NMI: variants seen among roughly 807,000 people sequenced by gnomAD.
NMI encodes N-myc-interactor.
NMI carries 39 observed loss-of-function variants against 34.3 expected under a neutral mutation model. The observed-to-expected ratio is 1.14, with a 90% CI of 0.88 to 1.49. The LOEUF is 1.49. Ranked by LOEUF, NMI falls within the 40% of genes most tolerant of loss-of-function variation. The pLI, the probability that NMI is intolerant of heterozygous loss-of-function variation, is 0.00. For synonymous variants in NMI, 113 were observed against 120.3 expected (o/e 0.94, Z 0.40); for missense variants, 339 against 358.1 (o/e 0.95, Z 0.43).
chr2:151,278,983 T>C lies in NMI; in HGVS notation c.185A>G (p.Glu62Gly). 6.3e-7 allele frequency: 1 copy of C among 1,588,518 alleles called. No individual in the cohort carries two copies. Among genetic ancestry groups the C allele is most frequent in the South Asian group, 1.1e-5 (1 of 89,212 alleles). Residue 62 changes from glutamate to glycine, a missense_variant, in exon 4 of 8, where the codon GAG (glutamate) becomes GGG (glycine). Physicochemically the swap from Glu to Gly is moderately conservative, Grantham distance 98. Coordinates refer to ENST00000243346, the MANE Select transcript of NMI (RefSeq NM_004688.3). ...TTTCATCTTTGTTTCAGGAATATCCTCTTTAATCTAATCCAAATGAAAATG... is the reference window on the plus strand; with the variant it reads ...TTTCATCTTTGTTTCAGGAATATCCCCTTTAATCTAATCCAAATGAAAATG... ...QEATKEFQIK[E>G]DIPETKMKFL...
intron 4 of NMI, chr2:151,277,992 T>C (rs1319313078): frequency 2.6e-5 from 4 of 152,204 alleles, no homozygotes; most frequent in Admixed American, 2.6e-4. Context: ...GCAAGTTAAT[T>C]ATCTTCTTTA....
Position 151,275,859 on chromosome 2 carries a change from G to C in NMI, c.346C>G (p.Gln116Glu), listed in dbSNP as rs1266301091. The C allele has an allele frequency of 6.4e-7, 1 of 1,570,748 alleles. No homozygotes were observed. The change falls in exon 5 of 8, where the codon CAA (glutamine) becomes GAA (glutamate). Residue 116 changes from glutamine (Q) to glutamate (E), a missense_variant. Coordinates refer to ENST00000243346, the MANE Select transcript of NMI (RefSeq NM_004688.3). ...TGTTTACTCATGCTTACCACATTTT[G>C]AGCAACTGAAAAATAATTCAGGAAG... ...LITFEKEEVA[Q>E]NVVSMSKHHV...
At chr2:151,280,050 C>G (rs944804027) in intron 3 of NMI, among the ~76,000 whole-genome samples, 5 of 152,026 alleles carry the variant, frequency 3.3e-5, no homozygotes. Flanking sequence ...CAAAAATTAG[C>G]TGGGCGTGGT....
rs1683190650 is a variant in NMI, at chr2:151,271,691, T to C, written c.676A>G (p.Ile226Val). Residue 226 changes from isoleucine (I) to valine (V), a missense_variant, in exon 7 of 8, where the codon ATA (isoleucine) becomes GTA (valine). Transcript: ENST00000243346. ...ILKKKEYPLY[I>V]NQTCHRVTVS... ...GTAACTCTATGGCAGGTTTGATTTA[T>C]ATAAAGAGGGTATTCTTTCTTTTTC... 1 of 1,585,176 alleles carries C rather than the reference T, an allele frequency of 6.3e-7. No individual in the cohort carries two copies.
intron 2 of NMI, among the ~76,000 whole-genome samples, chr2:151,282,249 C>G (rs1683420462): frequency 1.3e-5 from 2 of 152,122 alleles, no homozygotes; most frequent in African/African-American, 4.8e-5. Context: ...AGTACTATCT[C>G]CATTATATAA....
chr2:151,274,915 C>CT (rs1683262242), intron 6 of NMI, among the ~76,000 whole-genome samples: 1 of 151,970 alleles, frequency 6.6e-6, no homozygotes, highest in Admixed American at 6.6e-5. Context: ...GGGTCTCACT[C>CT]TGTCTCCCAG....
intron 3 of NMI, among the ~76,000 whole-genome samples, chr2:151,280,147 A>G (rs1384092485): frequency 6.8e-6 from 1 of 147,062 alleles, no homozygotes; most frequent in Non-Finnish European, 1.5e-5. Flanking sequence ...GTGAACCGAG[A>G]TCGCACCATT....
intron 4 of NMI, among the ~76,000 whole-genome samples, chr2:151,276,263 A>G (rs1230509012): frequency 6.6e-6 from 1 of 152,080 alleles, no homozygotes. Context: ...TTTGTTACCC[A>G]GGCTGCTCTG....
In NMI at chr2:151,285,784, G is replaced by A. The variant is rs548293481; in HGVS notation, c.-6-2830C>T. ...AGGAACCAGGACTCTTTAGAGAAAT[G>A]GTTGATCCCAAAACCAGGATAGAAA... On this transcript the variant is annotated intron_variant, in intron 1 of 7. Coordinates refer to ENST00000243346, the MANE Select transcript of NMI (RefSeq NM_004688.3). 5.8e-4 allele frequency among the ~76,000 whole-genome samples: 89 copies of A among 152,162 alleles called. 1 individual carries two copies. Among genetic ancestry groups the A allele is most frequent in the African/African-American group, 2.0e-3 (82 of 41,508 alleles).
intron 4 of NMI, chr2:151,277,222 T>C (rs949962518): frequency 1.3e-5 from 2 of 152,234 alleles, no homozygotes; most frequent in Admixed American, 6.5e-5. Flanking sequence ...AAAATATGAC[T>C]CTATAACTTG....
At chr2:151,285,282 AAAC>A (rs1683473727) in intron 1 of NMI, among the ~76,000 whole-genome samples, 1 of 152,184 alleles carries the variant, frequency 6.6e-6, no homozygotes, top group Non-Finnish European at 1.5e-5. Flanking sequence ...GAAATGGAGA[AAAC>A]AAGAATAAAT....
intron 6 of NMI, among the ~76,000 whole-genome samples, chr2:151,274,786 A>C (rs968002948): frequency 6.6e-6 from 1 of 150,832 alleles, no homozygotes; most frequent in Non-Finnish European, 1.5e-5. Flanking sequence ...GAAATGTCTC[A>C]TTTTTACTAA....
At chr2:151,271,319 T>C (rs1573740145) in intron 7 of NMI, among the ~76,000 whole-genome samples, 1 of 152,202 alleles carries the variant, frequency 6.6e-6, no homozygotes, top group South Asian at 2.1e-4. Flanking sequence ...GCAGGAATTC[T>C]TTCTCATGCT....
intron 4 of NMI, chr2:151,277,521 T>C (rs1010221656): frequency 6.6e-6 from 1 of 152,134 alleles, no homozygotes; most frequent in Admixed American, 6.6e-5. Context: ...ATGATGTAGG[T>C]GCTTTTAGAG....
At chr2:151,281,656 G>C (rs1683407398) in intron 3 of NMI, among the ~76,000 whole-genome samples, 1 of 152,036 alleles carries the variant, frequency 6.6e-6, no homozygotes, top group Non-Finnish European at 1.5e-5. Flanking sequence ...GCCCTCTTCT[G>C]TCTTTTTTGT....
At chr2:151,288,829 C>T (rs1174750382) in intron 1 of NMI, 2 of 152,232 alleles carry the variant, frequency 1.3e-5, no homozygotes, top group African/African-American at 4.8e-5. Flanking sequence ...TCGGATGTCT[C>T]CTTCAAGAAA....
chr2:151,282,418 C>A (rs558191670), intron 2 of NMI, among the ~76,000 whole-genome samples: 2 of 152,238 alleles, frequency 1.3e-5, no homozygotes, highest in African/African-American at 4.8e-5. Context: ...ACTGTAATAG[C>A]GGACATATTC....
At chr2:151,274,393 T>TGTGCCCA (rs1228537879) in intron 6 of NMI, among the ~76,000 whole-genome samples, 1 of 142,548 alleles carries the variant, frequency 7.0e-6, no homozygotes, top group Non-Finnish European at 1.5e-5. Flanking sequence ...CATGTTTTAA[T>TGTGCCCA]GTGCCCAGAG....
chr2:151,275,969 T>C lies in NMI; in HGVS notation c.341-105A>G, dbSNP rs1037135928. Reference sequence around the variant, plus strand: ...CCTGAATATTTTTAATTTTCTTTAATATTAAAGGGTCTAATTTTAAAAATT... The same window carrying C: ...CCTGAATATTTTTAATTTTCTTTAACATTAAAGGGTCTAATTTTAAAAATT... On this transcript the variant is annotated intron_variant, in intron 4 of 7. Coordinates refer to ENST00000243346, the MANE Select transcript of NMI (RefSeq NM_004688.3). The C allele has an allele frequency of 1.6e-5, 12 of 760,818 alleles. No homozygotes were observed. In the African/African-American group the frequency reaches 1.6e-4, roughly 10 times the overall value. 47.1% of individuals were successfully genotyped at this position (760,818 alleles called of 1,614,324 possible). A position where few individuals can be genotyped will look rare whatever the true frequency, so the allele number is the denominator to read the frequency against.
Sources: gnomAD v4.1 joint callset for allele counts (sites outside exome capture counted in the v4.1 genomes callset) on GRCh38, gnomAD v4.1.1 for gene constraint, MANE v1.5 for transcripts, NCBI Gene and HGNC (gene_info 2026-07-23, HGNC 2026-07-21) for gene names.